Variants in SH3GL2 observed in about 807,000 individuals in gnomAD.
SH3GL2 encodes the protein SH3 domain containing GRB2 like 2, endophilin A1.
SH3GL2 carries 24 observed loss-of-function variants against 46.0 expected under a neutral mutation model. The ratio of observed to expected loss-of-function variants is 0.52; its 90% CI spans 0.38 to 0.73. SH3GL2 has a LOEUF of 0.73. Ranked by LOEUF, SH3GL2 falls within the 30% of genes least tolerant of loss-of-function variation. The pLI, the probability that SH3GL2 is intolerant of heterozygous loss-of-function variation, is 0.00. For synonymous variants in SH3GL2, 196 were observed against 147.1 expected (o/e 1.33, Z -2.40); for missense variants, 413 against 424.2 (o/e 0.97, Z 0.23).
chr9:17,728,449 T>A (rs1020506053), intron 1 of SH3GL2, among the ~76,000 whole-genome samples: 1 of 152,152 alleles, frequency 6.6e-6, no homozygotes, highest in Non-Finnish European at 1.5e-5. Flanking sequence ...ATTTTATTTT[T>A]AAATTTTTAA....
chr9:17,623,667 T>C lies in SH3GL2; in HGVS notation c.45+44380T>C, dbSNP rs1271383141. Among the ~76,000 whole-genome samples the C allele has an allele frequency of 2.0e-5, 3 of 151,658 alleles. No homozygotes were observed. The East Asian group carries it at 5.8e-4, about 29-fold the overall frequency. ...AATACCTGTCCATTTATTTATCTAATTCACCTTTTCTTATATTTAACCCTA... is the reference window on the plus strand; with the variant it reads ...AATACCTGTCCATTTATTTATCTAACTCACCTTTTCTTATATTTAACCCTA... On this transcript the variant is annotated intron_variant, in intron 1 of 8. Transcript: ENST00000380607.
At position 17,612,167 on chromosome 9, in the gene SH3GL2, C is replaced by G. The variant is rs553680319; in HGVS notation, c.45+32880C>G. On this transcript the variant is annotated intron_variant, in intron 1 of 8. Coordinates refer to ENST00000380607, the MANE Select transcript of SH3GL2 (RefSeq NM_003026.5). ...AAGGGTGGCATTGCCTGTCTGTCCT[C>G]TCTCTCTAGTTCTGTGCACAGAAGG... is the stretch of plus-strand genomic sequence containing the variant. Among the ~76,000 whole-genome samples the G allele has an allele frequency of 1.1e-4, 16 of 152,218 alleles. No individual in the cohort carries two copies. The South Asian group carries it at 2.1e-3, about 20-fold the overall frequency.
intron 1 of SH3GL2, among the ~76,000 whole-genome samples, chr9:17,711,155 A>C (rs1218196039): frequency 6.6e-6 from 1 of 151,876 alleles, no homozygotes; most frequent in Non-Finnish European, 1.5e-5. Context: ...AGGATGCCTG[A>C]CACAGTAACT....
intron 1 of SH3GL2, among the ~76,000 whole-genome samples, chr9:17,627,571 A>G (rs1260950900): frequency 6.6e-6 from 1 of 152,252 alleles, no homozygotes; most frequent in Admixed American, 6.5e-5. Context: ...TTAATGTCAC[A>G]TTGGCATGAA....
At chr9:17,603,032 G>C (rs1368513253) in intron 1 of SH3GL2, among the ~76,000 whole-genome samples, 3 of 152,200 alleles carry the variant, frequency 2.0e-5, no homozygotes, top group East Asian at 3.8e-4. Context: ...ATGGAACAGT[G>C]CTGTGTGTGC....
intron 3 of SH3GL2, among the ~76,000 whole-genome samples, chr9:17,783,729 C>T (rs9407872): frequency 0.015 from 2,297 of 152,182 alleles, 54 homozygotes; most frequent in African/African-American, 0.053. Context: ...CCTAATTTTG[C>T]TTCCTGCTGT....
intron 1 of SH3GL2, among the ~76,000 whole-genome samples, chr9:17,709,379 T>A (rs1821558608): frequency 6.6e-6 from 1 of 151,966 alleles, no homozygotes; most frequent in African/African-American, 2.4e-5. Context: ...GCATATTTCT[T>A]GTGTAGCAAG....
chr9:17,711,955 C>G (rs1340818116), intron 1 of SH3GL2, among the ~76,000 whole-genome samples: 2 of 151,850 alleles, frequency 1.3e-5, no homozygotes, highest in African/African-American at 4.8e-5. Flanking sequence ...TTCTGTTGCT[C>G]TACACCCTCA....
intron 1 of SH3GL2, among the ~76,000 whole-genome samples, chr9:17,641,768 A>C (rs1819688868): frequency 6.6e-6 from 1 of 152,112 alleles, no homozygotes; most frequent in Admixed American, 6.5e-5. Flanking sequence ...AAGGATATGA[A>C]CTTATCCTTT....
At chr9:17,612,992 TGTAGC>T (rs1349957721) in intron 1 of SH3GL2, among the ~76,000 whole-genome samples, 1 of 152,244 alleles carries the variant, frequency 6.6e-6, no homozygotes, top group Non-Finnish European at 1.5e-5. Flanking sequence ...TTATCCATCT[TGTAGC>T]GTGTATCAAT....
At chr9:17,700,394 C>T (rs1032797031) in intron 1 of SH3GL2, among the ~76,000 whole-genome samples, 2 of 152,174 alleles carry the variant, frequency 1.3e-5, no homozygotes, top group Non-Finnish European at 2.9e-5. Flanking sequence ...CAAGCTAAAA[C>T]TTCCTAAAGC....
chr9:17,731,538 G>C lies in SH3GL2; in HGVS notation c.46-15528G>C, dbSNP rs1366808667. Among the ~76,000 whole-genome samples, 9 of 151,940 alleles carry C rather than the reference G, an allele frequency of 5.9e-5. 1 individual carries two copies. In the South Asian group the frequency reaches 1.5e-3, roughly 25 times the overall value. On this transcript the variant is annotated intron_variant, in intron 1 of 8. Coordinates refer to ENST00000380607, the MANE Select transcript of SH3GL2 (RefSeq NM_003026.5). ...GTGAGGACACAGTGAGAAGGCAAAG[G>C]CAGCGTCATGCAAGCCAGGAATTGA...
chr9:17,641,958 T>G (rs1249117585), intron 1 of SH3GL2, among the ~76,000 whole-genome samples: 2 of 152,178 alleles, frequency 1.3e-5, no homozygotes, highest in Non-Finnish European at 2.9e-5. Context: ...ATATACCCAC[T>G]AATGGGATTG....
chr9:17,588,797 T>G (rs1300643170), intron 1 of SH3GL2, among the ~76,000 whole-genome samples: 1 of 152,256 alleles, frequency 6.6e-6, no homozygotes, highest in African/African-American at 2.4e-5. Flanking sequence ...GGTATTGTTT[T>G]AAGCTGCTAA....
At chr9:17,661,206 G>T (rs1373457995) in intron 1 of SH3GL2, among the ~76,000 whole-genome samples, 1 of 152,106 alleles carries the variant, frequency 6.6e-6, no homozygotes, top group Non-Finnish European at 1.5e-5. Context: ...GTTCAGCGTT[G>T]TTGGTTAGTA....
intron 1 of SH3GL2, among the ~76,000 whole-genome samples, chr9:17,742,475 A>G (rs1375932823): frequency 6.6e-6 from 1 of 152,230 alleles, no homozygotes; most frequent in East Asian, 1.9e-4. Flanking sequence ...CTTTTAATTT[A>G]AAACGTGAGT....
chr9:17,646,229 A>C (rs1191724323), intron 1 of SH3GL2, among the ~76,000 whole-genome samples: 1 of 151,770 alleles, frequency 6.6e-6, no homozygotes, highest in Non-Finnish European at 1.5e-5. Flanking sequence ...CCATCAGGTC[A>C]TTTATGTTCT....
intron 1 of SH3GL2, among the ~76,000 whole-genome samples, chr9:17,621,001 T>C (rs1337229508): frequency 1.3e-5 from 2 of 152,184 alleles, no homozygotes; most frequent in East Asian, 1.9e-4. Flanking sequence ...GTGTAGTTCA[T>C]GAGAAAGTTT....
At chr9:17,643,213 G>A (rs2134648065) in intron 1 of SH3GL2, among the ~76,000 whole-genome samples, 1 of 152,308 alleles carries the variant, frequency 6.6e-6, no homozygotes, top group East Asian at 1.9e-4. Flanking sequence ...GTATAGGAAA[G>A]CTTGTGATTT....
Sources: gnomAD v4.1 joint callset for allele counts (sites outside exome capture counted in the v4.1 genomes callset) on GRCh38, gnomAD v4.1.1 for gene constraint, MANE v1.5 for transcripts, NCBI Gene and HGNC (gene_info 2026-07-23, HGNC 2026-07-21) for gene names.